Variants in LMO7 observed in about 807,000 individuals in gnomAD.
LMO7 encodes LIM domain 7.
Under a neutral mutation model 206.5 loss-of-function variants are expected in LMO7, and 120 were observed. The ratio of observed to expected loss-of-function variants is 0.58; its 90% CI spans 0.50 to 0.68. The LOEUF (loss-of-function observed/expected upper bound fraction) is 0.68. Ranked by LOEUF, LMO7 falls within the 30% of genes least tolerant of loss-of-function variation. The pLI, the probability that LMO7 is intolerant of heterozygous loss-of-function variation, is 0.00. For missense variants in LMO7, 1,959 were observed against 1,957.9 expected, an observed-to-expected ratio of 1.00 and a Z score of -0.01; for synonymous variants, 706 against 681.5, an observed-to-expected ratio of 1.04 and a Z score of -0.56.
intron 22 of LMO7, among the ~76,000 whole-genome samples, 193 bp from the exon 23 acceptor site, chr13:75,840,916 A>C (rs1444930372): frequency 6.6e-6 from 1 of 152,196 alleles, no homozygotes; most frequent in African/African-American, 2.4e-5. Flanking sequence ...TTTTTACCCC[A>C]GTGCCTGCAG....
intron 27 of LMO7, 107 bp from the exon 28 acceptor site, chr13:75,852,985 C>A (rs2060615617): frequency 1.2e-6 from 1 of 856,474 alleles, no homozygotes; most frequent in Non-Finnish European, 1.8e-6. Context: ...AGATTAATAT[C>A]CACATATAAA....
chr13:75,781,375 G>A (rs961536700), intron 4 of LMO7, among the ~76,000 whole-genome samples: 33 of 142,926 alleles, frequency 2.3e-4, no homozygotes, highest in Non-Finnish European at 3.0e-4. Flanking sequence ...AGAATATGTG[G>A]TGTTTGGTTT....
rs536501075 is a variant in LMO7 at position 75,711,349 on chromosome 13, G to A, written c.70-1833G>A. 5.8e-4 allele frequency among the ~76,000 whole-genome samples: 89 copies of A among 152,236 alleles called. 2 individuals carry two copies. In the Middle Eastern group the frequency reaches 0.014, roughly 23 times the overall value. On this transcript the variant is annotated intron_variant, in intron 1 of 30. Transcript: ENST00000377534. Reference sequence around the variant, plus strand: ...AGGGAGGACTCCCTCTTTTTCTATTGATTAGAATAGTTTCAGAAGGAATGG... The same window carrying A: ...AGGGAGGACTCCCTCTTTTTCTATTAATTAGAATAGTTTCAGAAGGAATGG...
chr13:75,635,745 G>C (rs1351686383), upstream of LMO7: 1 of 152,102 alleles, frequency 6.6e-6, no homozygotes, highest in Non-Finnish European at 1.5e-5. Flanking sequence ...GCGGCAGCAC[G>C]TGCCAAGGCC....
upstream of LMO7, among the ~76,000 whole-genome samples, chr13:75,634,791 C>A (rs1593931920): frequency 6.6e-6 from 1 of 151,434 alleles, no homozygotes; most frequent in Admixed American, 6.6e-5. Context: ...GGTGGATCAC[C>A]TGAGGTCAGT....
In LMO7 at chr13:75,843,206, C is replaced by T. The variant is rs80335266; in HGVS notation, c.4097+290C>T. On this transcript the variant is annotated intron_variant, in intron 25 of 30. Coordinates refer to ENST00000377534, the MANE Select transcript of LMO7 (RefSeq NM_001306080.2). ...TATCTGCTACCTATTAACTAGGCAGCTCTGCTTTTGGGGGTTGGCTGGCTG... is the reference window on the plus strand; with the variant it reads ...TATCTGCTACCTATTAACTAGGCAGTTCTGCTTTTGGGGGTTGGCTGGCTG... Among the ~76,000 whole-genome samples, 321 of 152,338 alleles carry T rather than the reference C, an allele frequency of 2.1e-3. 1 individual carries two copies. Among genetic ancestry groups the T allele is most frequent in the African/African-American group, 7.4e-3 (308 of 41,576 alleles).
chr13:75,849,431 C>T (rs370243457), intron 27 of LMO7, 139 bp downstream of exon 27: 12 of 621,476 alleles, frequency 1.9e-5, no homozygotes, highest in African/African-American at 1.8e-4. Context: ...TGTCAGTTTA[C>T]ATGACCACAT....
intron 3 of LMO7, among the ~76,000 whole-genome samples, chr13:75,757,446 A>G (rs1428713666): frequency 4.6e-5 from 7 of 152,206 alleles, no homozygotes; most frequent in African/African-American, 1.7e-4. Context: ...CTAATAGGGT[A>G]CTACAGTGAA....
chr13:75,739,987 T>C (rs2046288575), intron 3 of LMO7, among the ~76,000 whole-genome samples: 2 of 152,206 alleles, frequency 1.3e-5, no homozygotes, highest in African/African-American at 4.8e-5. Flanking sequence ...TTCTCTTCTT[T>C]CTCATCTAAG....
intron 11 of LMO7, 111 bp downstream of exon 11, chr13:75,809,294 A>C (rs2055981233): frequency 1.2e-6 from 1 of 869,288 alleles, no homozygotes; most frequent in East Asian, 2.6e-5. Context: ...TGTGCTGTGC[A>C]TGATATTTTT....
At chr13:75,644,790 C>A (rs1181260263) in intron 1 of LMO7, among the ~76,000 whole-genome samples, 1 of 152,028 alleles carries the variant, frequency 6.6e-6, no homozygotes, top group Non-Finnish European at 1.5e-5. Context: ...ACCACCACAC[C>A]CAGATAATTT....
At chr13:75,759,929 C>T (rs1454894640) in intron 3 of LMO7, among the ~76,000 whole-genome samples, 1 of 152,170 alleles carries the variant, frequency 6.6e-6, no homozygotes, top group Non-Finnish European at 1.5e-5. Flanking sequence ...TTACCAGCTG[C>T]CTCAGTGGAC....
Position 75,805,806 on chromosome 13 carries a change from C to A in LMO7, c.1196+46C>A, listed in dbSNP as rs370569176. 1,210 of 1,578,018 alleles carry A rather than the reference C, an allele frequency of 7.7e-4. 1 individual carries two copies. The highest frequency in any genetic ancestry group is 1.9e-3 in the South Asian group (164 of 86,738). On this transcript the variant is annotated intron_variant, in intron 9 of 30. Transcript: ENST00000377534. Reference sequence around the variant, plus strand: ...CTGTCACACCAGTGTTCATTCAGTACCCCAGCTGGGGTTCTATGTGCATGT... The same window carrying A: ...CTGTCACACCAGTGTTCATTCAGTAACCCAGCTGGGGTTCTATGTGCATGT...
chr13:75,704,089 G>A (rs2042482058), intron 1 of LMO7, among the ~76,000 whole-genome samples: 1 of 152,178 alleles, frequency 6.6e-6, no homozygotes, highest in Non-Finnish European at 1.5e-5. Context: ...AATGAACGGA[G>A]TAAAGAAGGG....
rs756997680 is a variant in LMO7, at chr13:75,840,485, G to A, written c.3572G>A (p.Arg1191His). 8.7e-6 allele frequency: 14 copies of A among 1,613,528 alleles called. No individual in the cohort carries two copies. Among genetic ancestry groups the A allele is most frequent in the Admixed American group, 3.3e-5 (2 of 59,998 alleles). The change falls in exon 22 of 31, where the codon CGC becomes CAC. Residue 1191 changes from arginine to histidine, a missense_variant. By Grantham distance (29) the Arg-to-His change is conservative. Coordinates refer to ENST00000377534, the MANE Select transcript of LMO7 (RefSeq NM_001306080.2). ...RQERWQKEQD[R>H]LLQEKYQREQ... is the part of the protein sequence containing the mutation. ...GAGAGGTGGCAGAAGGAGCAGGACC[G>A]CCTACTGCAGGTAGCTCTGGCTCAC...
intron 1 of LMO7, among the ~76,000 whole-genome samples, chr13:75,683,004 C>A (rs1470617361): frequency 6.6e-6 from 1 of 151,524 alleles, no homozygotes; most frequent in East Asian, 1.9e-4. Context: ...TTTCTAGATA[C>A]AAGTCTTTTA....
At position 75,809,150 on chromosome 13, in the gene LMO7, T is replaced by A; in HGVS notation, c.1917-4T>A. On this transcript the variant is annotated splice_polypyrimidine_tract_variant and splice_region_variant and intron_variant, in intron 10 of 30. Transcript: ENST00000377534. ...TTTTAATTTTTGGTTTTCTGGTTTC[T>A]TAGACTCTTTCAAAAGATTTATGGT... is the stretch of plus-strand genomic sequence containing the variant. 1 of 1,611,148 alleles carries A rather than the reference T, an allele frequency of 6.2e-7. No homozygotes were observed. Among genetic ancestry groups the A allele is most frequent in the Non-Finnish European group, 8.5e-7 (1 of 1,177,490 alleles).
intron 2 of LMO7, among the ~76,000 whole-genome samples, chr13:75,716,138 C>A (rs2043513350): frequency 1.3e-5 from 2 of 152,106 alleles, no homozygotes; most frequent in African/African-American, 4.8e-5. Context: ...TAAAGATTTT[C>A]TTAATATTTC....
At chr13:75,683,639 T>C (rs2040740534) in intron 1 of LMO7, among the ~76,000 whole-genome samples, 1 of 152,178 alleles carries the variant, frequency 6.6e-6, no homozygotes, top group Admixed American at 6.5e-5. Context: ...TCAATCAATT[T>C]AGGAAGTTTA....
Sources: gnomAD v4.1 joint callset for allele counts (sites outside exome capture counted in the v4.1 genomes callset) on GRCh38, gnomAD v4.1.1 for gene constraint, MANE v1.5 for transcripts, NCBI Gene and HGNC (gene_info 2026-07-23, HGNC 2026-07-21) for gene names.